NALF1: variants seen among roughly 807,000 people sequenced by gnomAD.
NALF1 encodes the protein family with sequence similarity 155 member A.
In NALF1, 3 loss-of-function variants were observed where a neutral mutation model predicts 48.4. That is an observed-to-expected ratio of 0.06 (90% CI 0.03 to 0.16). The LOEUF is 0.16. NALF1 is among the 10% of genes least tolerant of loss of function. The pLI is 1.00. For missense variants in NALF1, 526 were observed against 571.5 expected, an observed-to-expected ratio of 0.92 and a Z score of 0.81; for synonymous variants, 262 against 245.7, an observed-to-expected ratio of 1.07 and a Z score of -0.62.
intron 1 of NALF1, among the ~76,000 whole-genome samples, chr13:107,472,916 A>T (rs1169698634): frequency 1.3e-5 from 2 of 152,104 alleles, no homozygotes; most frequent in Non-Finnish European, 2.9e-5. Context: ...GAGAACCCTG[A>T]CTAATACTGG....
intron 1 of NALF1, among the ~76,000 whole-genome samples, chr13:107,233,151 G>A (rs1880262935): frequency 6.6e-6 from 1 of 152,172 alleles, no homozygotes. Flanking sequence ...GTTGAAAAGG[G>A]ATCTGCTTTA....
intron 1 of NALF1, among the ~76,000 whole-genome samples, chr13:107,439,160 C>T (rs936968532): frequency 1.3e-5 from 2 of 152,008 alleles, no homozygotes; most frequent in Non-Finnish European, 2.9e-5. Flanking sequence ...TCATTGTAAT[C>T]GACTTATGTG....
intron 1 of NALF1, among the ~76,000 whole-genome samples, chr13:107,802,644 TC>T (rs1878654846): frequency 1.3e-5 from 2 of 152,138 alleles, no homozygotes. Context: ...CAGAACAAGT[TC>T]CTTAATGACA....
Position 107,633,752 on chromosome 13 carries a change from A to C in NALF1, c.915+231930T>G, listed in dbSNP as rs9559114. 0.021 allele frequency among the ~76,000 whole-genome samples: 3,110 copies of C among 147,594 alleles called. 192 individuals carry two copies. The East Asian group carries it at 0.23, about 11-fold the overall frequency. On this transcript the variant is annotated intron_variant, in intron 1 of 2. Coordinates refer to ENST00000375915, the MANE Select transcript of NALF1 (RefSeq NM_001080396.3). The stretch of plus-strand genomic sequence containing the variant: ...ATATATATATATATGAAACACATAT[A>C]TATGGAAAATATATATATTTATATA...
rs575755568 is a variant in NALF1 at position 107,368,379 on chromosome 13, C to T, written c.916-157624G>A. Among the ~76,000 whole-genome samples the T allele has an allele frequency of 4.0e-5, 6 of 151,758 alleles. No homozygotes were observed. The South Asian group carries it at 1.0e-3, about 26-fold the overall frequency. On this transcript the variant is annotated intron_variant, in intron 1 of 2. Transcript: ENST00000375915. ...TTGCCCAGGCTGGAGTGCAATGGCCCAATCTCGGCTCACTAAAACCTCCTG... is the reference window on the plus strand; with the variant it reads ...TTGCCCAGGCTGGAGTGCAATGGCCTAATCTCGGCTCACTAAAACCTCCTG...
At chr13:107,666,890 G>A (rs1880872922) in intron 1 of NALF1, among the ~76,000 whole-genome samples, 1 of 152,044 alleles carries the variant, frequency 6.6e-6, no homozygotes, top group Admixed American at 6.6e-5. Context: ...TCAAACTGAT[G>A]TCTTATCATT....
At chr13:107,761,994 T>C (rs1015956001) in intron 1 of NALF1, among the ~76,000 whole-genome samples, 2 of 152,212 alleles carry the variant, frequency 1.3e-5, no homozygotes, top group Admixed American at 6.5e-5. Flanking sequence ...GCACTGCTAT[T>C]ATTGCTGTAA....
chr13:107,750,191 C>T (rs1249945731), intron 1 of NALF1, among the ~76,000 whole-genome samples: 1 of 152,194 alleles, frequency 6.6e-6, no homozygotes, highest in African/African-American at 2.4e-5. Context: ...GTGGCTGCCA[C>T]ACTGGGACGT....
At chr13:107,526,552 A>G (rs1042373833) in intron 1 of NALF1, among the ~76,000 whole-genome samples, 1 of 152,180 alleles carries the variant, frequency 6.6e-6, no homozygotes, top group Non-Finnish European at 1.5e-5. Context: ...ATTGAGTTGC[A>G]TTCTAATGAC....
At position 107,744,796 on chromosome 13, in the gene NALF1, CAT is replaced by C. The variant is rs1876740422; in HGVS notation, c.915+120884_915+120885del. ...TACAGGTTTTTTTGGCATGGTATAA[CAT>C]AATTAAACTCTCAACAGTAAGACAA... On this transcript the variant is annotated intron_variant, in intron 1 of 2. Transcript: ENST00000375915. 7.2e-5 allele frequency among the ~76,000 whole-genome samples: 11 copies of C among 152,244 alleles called. 1 individual carries two copies. In the South Asian group the frequency reaches 2.3e-3, roughly 32 times the overall value.
intron 1 of NALF1, among the ~76,000 whole-genome samples, chr13:107,399,602 C>A (rs1024814679): frequency 1.3e-5 from 2 of 152,014 alleles, no homozygotes; most frequent in Admixed American, 1.3e-4. Context: ...AATCCTTTTA[C>A]CTACAAAATG....
chr13:107,428,976 A>G (rs1395651169), intron 1 of NALF1, among the ~76,000 whole-genome samples: 2 of 152,184 alleles, frequency 1.3e-5, no homozygotes, highest in East Asian at 3.8e-4. Flanking sequence ...GTGTCCTAAT[A>G]ATATAACCAT....
At chr13:107,647,607 G>C (rs1594182413) in intron 1 of NALF1, among the ~76,000 whole-genome samples, 1 of 152,004 alleles carries the variant, frequency 6.6e-6, no homozygotes, top group South Asian at 2.1e-4. Context: ...TATTAAAAAA[G>C]GTATGTACTT....
At chr13:107,825,676 T>C (rs952913428) in intron 1 of NALF1, among the ~76,000 whole-genome samples, 8 of 152,356 alleles carry the variant, frequency 5.3e-5, no homozygotes, top group African/African-American at 1.9e-4. Context: ...TCTTCACCCA[T>C]GAAAATCTGT....
At chr13:107,715,349 T>C (rs540418303) in intron 1 of NALF1, among the ~76,000 whole-genome samples, 10 of 152,160 alleles carry the variant, frequency 6.6e-5, no homozygotes, top group African/African-American at 1.9e-4. Flanking sequence ...ATTACAGGCA[T>C]GTACCACCAC....
intron 2 of NALF1, among the ~76,000 whole-genome samples, chr13:107,188,782 G>A (rs1300980162): frequency 6.6e-6 from 1 of 152,112 alleles, no homozygotes; most frequent in African/African-American, 2.4e-5. Context: ...TGTTTAATGA[G>A]GGAAGGAAGC....
chr13:107,565,087 T>G (rs1034841153), intron 1 of NALF1, among the ~76,000 whole-genome samples: 1 of 72,226 alleles, frequency 1.4e-5, no homozygotes, highest in Non-Finnish European at 2.9e-5. Context: ...AAAAAAAACC[T>G]AGCATAAGTA....
intron 2 of NALF1, among the ~76,000 whole-genome samples, chr13:107,192,529 T>C (rs1879305092): frequency 6.6e-6 from 1 of 152,198 alleles, no homozygotes; most frequent in Non-Finnish European, 1.5e-5. Context: ...CCGTGGTACA[T>C]CAAAGGTTAG....
chr13:107,195,744 G>A (rs577822809), intron 2 of NALF1, among the ~76,000 whole-genome samples: 17 of 152,166 alleles, frequency 1.1e-4, no homozygotes, highest in Admixed American at 5.9e-4. Flanking sequence ...TAAATTTCAA[G>A]AGAAAATTCT....
Sources: gnomAD v4.1 joint callset for allele counts (sites outside exome capture counted in the v4.1 genomes callset) on GRCh38, gnomAD v4.1.1 for gene constraint, MANE v1.5 for transcripts, NCBI Gene and HGNC (gene_info 2026-07-23, HGNC 2026-07-21) for gene names.